The following ASB7 variants were observed in gnomAD, a reference collection of about 807,000 sequenced individuals.
ASB7 encodes the protein ankyrin repeat and SOCS box containing 7.
Under a neutral mutation model 32.5 loss-of-function variants are expected in ASB7, and 4 were observed. That is an observed-to-expected ratio of 0.12 (90% CI 0.06 to 0.28). ASB7 has a LOEUF of 0.28. Ranked by LOEUF, ASB7 falls within the 10% of genes least tolerant of loss-of-function variation. ASB7 has a pLI of 1.00. For synonymous variants in ASB7, 172 were observed against 155.6 expected, an observed-to-expected ratio of 1.11 and a Z score of -0.78; for missense variants, 181 against 407.1, an observed-to-expected ratio of 0.44 and a Z score of 4.78.
chr15:100,619,455 C>T (rs1393485656), intron 4 of ASB7, among the ~76,000 whole-genome samples: 1 of 152,148 alleles, frequency 6.6e-6, no homozygotes, highest in Non-Finnish European at 1.5e-5. Flanking sequence ...AGAAGAGTAG[C>T]TGGGATATGA....
chr15:100,627,142 T>TCCC (rs1232508034), intron 4 of ASB7, among the ~76,000 whole-genome samples: 3 of 152,198 alleles, frequency 2.0e-5, no homozygotes, highest in Non-Finnish European at 2.9e-5. Context: ...CTTCTGTTTA[T>TCCC]ATACATTAAA....
intron 2 of ASB7, among the ~76,000 whole-genome samples, chr15:100,607,159 A>C (rs1438124033): frequency 6.6e-6 from 1 of 152,106 alleles, no homozygotes. Context: ...CTCAAAAAAA[A>C]AAAAAAGAAA....
chr15:100,641,624 G>C (rs2039962313), intron 5 of ASB7, among the ~76,000 whole-genome samples: 1 of 152,118 alleles, frequency 6.6e-6, no homozygotes, highest in Admixed American at 6.5e-5. Context: ...CTACCAGTTT[G>C]CTCAGGACTG....
intron 5 of ASB7, among the ~76,000 whole-genome samples, chr15:100,647,074 G>A (rs2040002061): frequency 6.6e-6 from 1 of 152,100 alleles, no homozygotes. Context: ...TCATAATGAT[G>A]TGTTATTTAT....
chr15:100,637,832 G>A (rs548571294), intron 5 of ASB7, among the ~76,000 whole-genome samples: 1 of 152,308 alleles, frequency 6.6e-6, no homozygotes, highest in South Asian at 2.1e-4. Flanking sequence ...TGTAACAGAT[G>A]AAATGCAGAA....
At chr15:100,645,258 A>G (rs1377521567) in intron 5 of ASB7, among the ~76,000 whole-genome samples, 1 of 152,228 alleles carries the variant, frequency 6.6e-6, no homozygotes, top group Non-Finnish European at 1.5e-5. Flanking sequence ...TGTATTATAA[A>G]TACAAAATAA....
intron 5 of ASB7, chr15:100,638,503 G>C (rs906847952): frequency 6.6e-6 from 1 of 152,064 alleles, no homozygotes; most frequent in Non-Finnish European, 1.5e-5. Flanking sequence ...GGAGTCCAGC[G>C]GGTTCATCAT....
chr15:100,614,272 CAAAAA>C lies in ASB7; in HGVS notation c.211+1857_211+1861del, dbSNP rs36083050. Among the ~76,000 whole-genome samples the C allele has an allele frequency of 6.2e-4, 55 of 88,570 alleles. 1 individual carries two copies. The highest frequency in any genetic ancestry group is 1.1e-3 in the Non-Finnish European group (51 of 46,186). The allele number at this position is 88,570 out of a possible 152,430, so 58.1% of individuals were successfully genotyped here. A position where few individuals can be genotyped will look rare whatever the true frequency, so the allele number is the denominator to read the frequency against. ...CTGGGCGAAATTGTGAAACTCTGCT[CAAAAA>C]AAAAAAAAAAAGAAAGAAAGAAAGA... On this transcript the variant is annotated intron_variant, in intron 4 of 5. Transcript: ENST00000332783.
At chr15:100,645,756 G>T in intron 5 of ASB7, 2 of 1,585,168 alleles carry the variant, frequency 1.3e-6, no homozygotes, top group Admixed American at 3.3e-5. Flanking sequence ...CATTTACAAA[G>T]TGGAGAATAG....
intron 5 of ASB7, among the ~76,000 whole-genome samples, chr15:100,640,733 A>T (rs1314085833): frequency 2.0e-5 from 3 of 152,216 alleles, no homozygotes; most frequent in Admixed American, 2.0e-4. Context: ...TTAAACAAAT[A>T]AGTTGATCCT....
chr15:100,629,680 C>T lies in ASB7; in HGVS notation c.455C>T (p.Thr152Ile). ...GACCCACTCAGTGATAAAGGTACCA[C>T]ACCGCTTCAGCTCGCCATTATCCGA... is the stretch of plus-strand genomic sequence containing the variant. Reference protein sequence around the residue: ...EVDPLSDKGTTPLQLAIIRER... With the variant: ...EVDPLSDKGTIPLQLAIIRER... Residue 152 changes from threonine to isoleucine, a missense_variant, in exon 5 of 6, where the codon ACA becomes ATA. Transcript: ENST00000332783. The surrounding 1 kb of genome is among the most constrained non-coding windows in gnomAD (Gnocchi z 6.8). 1.9e-6 allele frequency: 3 copies of T among 1,614,234 alleles called. No homozygotes were observed. Among genetic ancestry groups the T allele is most frequent in the Non-Finnish European group, 2.5e-6 (3 of 1,180,050 alleles).
intron 5 of ASB7, among the ~76,000 whole-genome samples, chr15:100,632,197 A>G (rs1490135431): frequency 6.6e-6 from 1 of 152,192 alleles, no homozygotes; most frequent in Non-Finnish European, 1.5e-5. Context: ...TCTCCACTGT[A>G]CGAGGAGCAG....
chr15:100,608,028 T>C (rs12900585), intron 2 of ASB7, among the ~76,000 whole-genome samples: 34,899 of 152,124 alleles, frequency 0.23, 4,305 homozygotes, highest in Non-Finnish European at 0.27. Context: ...TCTTCAGGCT[T>C]GAAGCTATGT....
intron 5 of ASB7, among the ~76,000 whole-genome samples, chr15:100,636,810 G>C (rs1170823807): frequency 6.6e-6 from 1 of 152,094 alleles, no homozygotes; most frequent in Non-Finnish European, 1.5e-5. Context: ...CTTTAGCCGG[G>C]GCTTCTCAAG....
In ASB7 at chr15:100,648,589, T is replaced by C. The variant is rs577061223; in HGVS notation, c.*127T>C. ...AAATCAGAAAGCAGGTATACACTTT[T>C]GGGTTTTCTGTTTGTTTGGTTGGTT... On this transcript the variant is annotated 3_prime_UTR_variant, in exon 6 of 6. Transcript: ENST00000332783. The C allele has an allele frequency of 1.2e-6, 1 of 803,218 alleles. No homozygotes were observed. The highest frequency in any genetic ancestry group is 1.8e-6 in the Non-Finnish European group (1 of 547,438). The allele number at this position is 803,218 out of a possible 1,614,324, so 49.8% of individuals were successfully genotyped here. A position where few individuals can be genotyped will look rare whatever the true frequency, so the allele number is the denominator to read the frequency against.
intron 5 of ASB7, among the ~76,000 whole-genome samples, chr15:100,633,863 G>A (rs1343927584): frequency 2.6e-5 from 4 of 152,130 alleles, no homozygotes; most frequent in African/African-American, 9.7e-5. Context: ...ACACAAAGTG[G>A]AATAATGTGT....
chr15:100,602,717 G>C lies in ASB7; in HGVS notation c.-602G>C, dbSNP rs1049271483. 5 of 360,476 alleles carry C rather than the reference G, an allele frequency of 1.4e-5. No individual in the cohort carries two copies. The East Asian group carries it at 2.0e-4, about 15-fold the overall frequency. The allele number at this position is 360,476 out of a possible 1,614,324, so 22.3% of individuals were successfully genotyped here. A position where few individuals can be genotyped will look rare whatever the true frequency, so the allele number is the denominator to read the frequency against. On this transcript the variant is annotated 5_prime_UTR_variant, in exon 1 of 6. Coordinates refer to ENST00000332783, the MANE Select transcript of ASB7 (RefSeq NM_198243.3). ...GTATGACCTGGGACCTCGCCGTCCC[G>C]AGACCTCCTGGGTCCCTCCGTAGCT... is the stretch of plus-strand genomic sequence containing the variant.
chr15:100,645,361 A>G (rs1198862338), intron 5 of ASB7: 1 of 259,242 alleles, frequency 3.9e-6, no homozygotes, highest in African/African-American at 2.2e-5. Flanking sequence ...ATGTAATTTC[A>G]TGATTCTCTA....
chr15:100,602,943 G>C lies in ASB7; in HGVS notation c.-376G>C. On this transcript the variant is annotated 5_prime_UTR_variant, in exon 1 of 6. Coordinates refer to ENST00000332783, the MANE Select transcript of ASB7 (RefSeq NM_198243.3). ...GGCCGTGAGGCACCGAGGAGGATCAGGAACACCAGGGTCCGGCCCTGCCTG... is the reference window on the plus strand; with the variant it reads ...GGCCGTGAGGCACCGAGGAGGATCACGAACACCAGGGTCCGGCCCTGCCTG... 2.5e-6 allele frequency: 1 copy of C among 399,062 alleles called. No individual in the cohort carries two copies. Among genetic ancestry groups the C allele is most frequent in the Non-Finnish European group, 4.4e-6 (1 of 226,396 alleles). The allele number at this position is 399,062 out of a possible 1,614,324, so 24.7% of individuals were successfully genotyped here.
Sources: gnomAD v4.1 joint callset for allele counts (sites outside exome capture counted in the v4.1 genomes callset) on GRCh38, gnomAD v4.1.1 for gene constraint, Gnocchi (gnomAD v3.1) non-coding constraint, MANE v1.5 for transcripts, NCBI Gene and HGNC (gene_info 2026-07-23, HGNC 2026-07-21) for gene names.